ZMYND11: variants seen among roughly 807,000 people sequenced by gnomAD.
ZMYND11 encodes the protein zinc finger MYND-type containing 11.
In ZMYND11, 9 loss-of-function variants were observed where a neutral mutation model predicts 84.9. The observed-to-expected ratio is 0.11, with a 90% CI of 0.06 to 0.18. ZMYND11 has a LOEUF of 0.18. Among genes scored for constraint, ZMYND11 ranks in the 10% least tolerant of loss-of-function variants. ZMYND11 has a pLI of 1.00. For missense variants in ZMYND11, 409 were observed against 761.0 expected (o/e 0.54, Z 5.44); for synonymous variants, 250 against 244.1 (o/e 1.02, Z -0.23).
chr10:202,455 T>G (rs144918349), intron 2 of ZMYND11, among the ~76,000 whole-genome samples: 3 of 152,304 alleles, frequency 2.0e-5, no homozygotes, highest in African/African-American at 7.2e-5. Flanking sequence ...AATGAACACG[T>G]TAGCCCTTAG....
At chr10:200,610 C>T (rs1942968335) in intron 2 of ZMYND11, among the ~76,000 whole-genome samples, 1 of 151,646 alleles carries the variant, frequency 6.6e-6, no homozygotes, top group Non-Finnish European at 1.5e-5. Context: ...TAAGTCTTGC[C>T]CCATCTCAAG....
At chr10:192,477 A>G (rs139869322) in intron 2 of ZMYND11, among the ~76,000 whole-genome samples, 54 of 152,234 alleles carry the variant, frequency 3.5e-4, no homozygotes, top group African/African-American at 1.2e-3. Context: ...CTTGCTATGG[A>G]CACTCAAGAT....
At chr10:219,935 A>G (rs957686844) in intron 3 of ZMYND11, among the ~76,000 whole-genome samples, 1 of 152,202 alleles carries the variant, frequency 6.6e-6, no homozygotes, top group Non-Finnish European at 1.5e-5. Context: ...CACTCTAGCC[A>G]TGACTCTGGA....
intron 2 of ZMYND11, among the ~76,000 whole-genome samples, chr10:196,426 A>C (rs1032747963): frequency 2.6e-5 from 4 of 152,200 alleles, no homozygotes; most frequent in African/African-American, 9.6e-5. Context: ...TTTTATTATG[A>C]CCATTTTTTA....
At chr10:161,200 G>C (rs1210443455) in intron 1 of ZMYND11, among the ~76,000 whole-genome samples, 2 of 152,100 alleles carry the variant, frequency 1.3e-5, no homozygotes, top group East Asian at 3.9e-4. Context: ...TAATCTCCCT[G>C]TACATCTCCA....
chr10:253,045 C>T lies in ZMYND11; in HGVS notation c.*575C>T, dbSNP rs1338294175. On this transcript the variant is annotated 3_prime_UTR_variant, in exon 15 of 15. Transcript: ENST00000381604. ...CCTGCATATTTTTTCTTAAATATTT[C>T]CCAATTGTGTTTTTCATTATTTCTT... 2 of 152,568 alleles carry T rather than the reference C, an allele frequency of 1.3e-5. No homozygotes were observed. The highest frequency in any genetic ancestry group is 1.3e-4 in the Admixed American group (2 of 15,266). 9.5% of individuals were successfully genotyped at this position (152,568 alleles called of 1,614,324 possible).
At chr10:230,566 C>T (rs1345154996) in intron 4 of ZMYND11, among the ~76,000 whole-genome samples, 1 of 150,778 alleles carries the variant, frequency 6.6e-6, no homozygotes, top group African/African-American at 2.4e-5. Flanking sequence ...TCTACATTTC[C>T]AGTAAGTGCT....
intron 10 of ZMYND11, among the ~76,000 whole-genome samples, chr10:242,966 A>AT (rs1951336358): frequency 6.6e-6 from 1 of 150,794 alleles, no homozygotes; most frequent in African/African-American, 2.4e-5. Flanking sequence ...CAATAAAATA[A>AT]CTCAATACAA....
At chr10:235,787 C>T (rs905935444) in intron 4 of ZMYND11, among the ~76,000 whole-genome samples, 1 of 152,228 alleles carries the variant, frequency 6.6e-6, no homozygotes, top group African/African-American at 2.4e-5. Context: ...AGGTGCAGTG[C>T]AGACATGAGG....
intron 1 of ZMYND11, among the ~76,000 whole-genome samples, chr10:171,215 T>G (rs1554765601): frequency 6.6e-6 from 1 of 152,186 alleles, no homozygotes; most frequent in African/African-American, 2.4e-5. Context: ...ATGAATCCAC[T>G]ACTATAGTTG....
chr10:192,683 G>A (rs2095050451), intron 2 of ZMYND11, among the ~76,000 whole-genome samples: 1 of 152,224 alleles, frequency 6.6e-6, no homozygotes, highest in Admixed American at 6.5e-5. Flanking sequence ...GGGTAGCGCT[G>A]TGCACAAGGG....
intron 1 of ZMYND11, among the ~76,000 whole-genome samples, chr10:158,502 T>C (rs2131435391): frequency 6.6e-6 from 1 of 151,654 alleles, no homozygotes; most frequent in Non-Finnish European, 1.5e-5. Flanking sequence ...CACTGCAGCC[T>C]TTGCTTCTGG....
At chr10:152,312 A>G (rs182437287) in intron 1 of ZMYND11, among the ~76,000 whole-genome samples, 15 of 152,338 alleles carry the variant, frequency 9.8e-5, no homozygotes, top group Admixed American at 9.8e-4. Context: ...TGCTATATTC[A>G]GGAGACCCAT....
chr10:130,856 C>T (rs537365219), upstream of ZMYND11, among the ~76,000 whole-genome samples: 6 of 152,266 alleles, frequency 3.9e-5, no homozygotes, highest in Admixed American at 2.6e-4. Flanking sequence ...CGGTGGCTCG[C>T]GCCTGTAATT....
At position 252,241 on chromosome 10, in the gene ZMYND11, A is replaced by G; in HGVS notation, c.1687-107A>G. On this transcript the variant is annotated intron_variant, in intron 14 of 14. Transcript: ENST00000381604. The surrounding 1 kb of genome is among the most constrained non-coding windows in gnomAD (Gnocchi z 4.6). ...CGTATTCAGATTCCACAAAAGGTTG[A>G]GCCAGAAAGATCTTTTAAAAGCACC... is the stretch of plus-strand genomic sequence containing the variant. 7.4e-7 allele frequency: 1 copy of G among 1,352,564 alleles called. No homozygotes were observed. The highest frequency in any genetic ancestry group is 1.0e-6 in the Non-Finnish European group (1 of 986,668). 83.8% of individuals were successfully genotyped at this position (1,352,564 alleles called of 1,614,324 possible).
At chr10:209,089 G>T (rs548295118) in intron 2 of ZMYND11, among the ~76,000 whole-genome samples, 13 of 152,054 alleles carry the variant, frequency 8.5e-5, no homozygotes, top group African/African-American at 3.1e-4. Flanking sequence ...TTGTTTGGAG[G>T]AGAGTGGAAA....
intron 10 of ZMYND11, among the ~76,000 whole-genome samples, chr10:242,390 T>C (rs893960308): frequency 2.0e-5 from 3 of 152,206 alleles, no homozygotes; most frequent in Non-Finnish European, 4.4e-5. Flanking sequence ...ACTGAATTTA[T>C]AGTACAGTGG....
chr10:237,826 C>A (rs1452855632), intron 6 of ZMYND11, 149 bp downstream of exon 6: 4 of 563,684 alleles, frequency 7.1e-6, no homozygotes, highest in Admixed American at 3.5e-5. Context: ...ACAGGCATAA[C>A]TACCAAATGA....
intron 2 of ZMYND11, chr10:197,966 G>C: frequency 1.5e-6 from 1 of 656,942 alleles, no homozygotes; most frequent in Non-Finnish European, 2.8e-6. Flanking sequence ...TCATTACACA[G>C]ATATGTCATT....
Sources: allele counts gnomAD v4.1 joint callset (sites outside exome capture counted in the v4.1 genomes callset), GRCh38; gene constraint gnomAD v4.1.1; non-coding constraint Gnocchi (gnomAD v3.1); transcripts MANE v1.5; gene names NCBI Gene and HGNC (gene_info 2026-07-23, HGNC 2026-07-21).